The following UBE2J2 variants were observed in gnomAD, a reference collection of about 807,000 sequenced individuals.
UBE2J2 encodes ubiquitin conjugating enzyme E2 J2.
In UBE2J2, 5 loss-of-function variants were observed where a neutral mutation model predicts 28.6. The observed-to-expected ratio is 0.17, with a 90% confidence interval of 0.09 to 0.37. The LOEUF (loss-of-function observed/expected upper bound fraction) is 0.37. Ranked by LOEUF, UBE2J2 falls within the 10% of genes least tolerant of loss-of-function variation. The pLI is 1.00. For missense variants in UBE2J2, 226 were observed against 338.9 expected (o/e 0.67, Z 2.62); for synonymous variants, 138 against 139.7 (o/e 0.99, Z 0.09).
rs190927713 is a variant in UBE2J2, at chr1:1,258,599, C to T, written c.173-1289G>A. 1.2e-3 allele frequency among the ~76,000 whole-genome samples: 187 copies of T among 152,348 alleles called. 2 individuals carry two copies. The highest frequency in any genetic ancestry group is 4.1e-3 in the African/African-American group (170 of 41,590). ...AGCCACTTCCCCCACCCTGCACCCA[C>T]GGGCCCTGTGCACACTCCAGGCCAC... On this transcript the variant is annotated intron_variant, in intron 3 of 6. Transcript: ENST00000349431.
In UBE2J2 at chr1:1,268,380, C is replaced by T. The variant is rs930826953; in HGVS notation, c.1-388G>A. 3.3e-5 allele frequency among the ~76,000 whole-genome samples: 5 copies of T among 152,162 alleles called. No individual in the cohort carries two copies. Among genetic ancestry groups the T allele is most frequent in the Admixed American group, 1.3e-4 (2 of 15,276 alleles). ...GCACCTTCCAACTCAGCTCAAGGACCCCGCACTGATGGAGAATCCACACCA... is the reference window on the plus strand; with the variant it reads ...GCACCTTCCAACTCAGCTCAAGGACTCCGCACTGATGGAGAATCCACACCA... On this transcript the variant is annotated intron_variant, in intron 1 of 6. Transcript: ENST00000349431. The surrounding 1 kb of genome is among the most constrained non-coding windows in gnomAD (Gnocchi z 4.7).
intron 3 of UBE2J2, among the ~76,000 whole-genome samples, chr1:1,259,771 C>A (rs1639446346): frequency 6.6e-6 from 1 of 152,188 alleles, no homozygotes; most frequent in Non-Finnish European, 1.5e-5. Flanking sequence ...CCACGGAGTC[C>A]CCCACAGTCA....
chr1:1,256,495 G>A (rs899867053), intron 5 of UBE2J2, among the ~76,000 whole-genome samples: 2 of 152,206 alleles, frequency 1.3e-5, no homozygotes, highest in Admixed American at 1.3e-4. Flanking sequence ...AAGACCGAGA[G>A]GCAGCGGGGA....
chr1:1,272,798 C>T (rs897153413), intron 1 of UBE2J2: 2 of 159,108 alleles, frequency 1.3e-5, no homozygotes, highest in East Asian at 3.7e-4. Context: ...AAGTTCCGGG[C>T]ACCCAGACCC....
At chr1:1,265,685 T>C (rs1248907638) in intron 2 of UBE2J2, among the ~76,000 whole-genome samples, 2 of 148,032 alleles carry the variant, frequency 1.4e-5, no homozygotes, top group Non-Finnish European at 3.0e-5. Context: ...TGGAGTACAG[T>C]GGTGCGATCT....
chr1:1,267,985 C>G lies in UBE2J2; in HGVS notation c.8G>C (p.Ser3Thr). 1 of 1,613,942 alleles carries G rather than the reference C, an allele frequency of 6.2e-7. No individual in the cohort carries two copies. The highest frequency in any genetic ancestry group is 1.1e-5 in the South Asian group (1 of 91,086). Residue 3 changes from serine (S) to threonine (T), a missense_variant, in exon 2 of 7, where the codon AGC becomes ACC. Coordinates refer to ENST00000349431, the MANE Select transcript of UBE2J2 (RefSeq NM_058167.3). MS[S>T]TSSKRAPTTA... ...GGTCGGAGCCCTCTTACTGCTGGTG[C>G]TGCTCATCTGTTAAAAGCAACGTCT...
chr1:1,270,796 C>T (rs989475168), intron 1 of UBE2J2, among the ~76,000 whole-genome samples: 3 of 152,174 alleles, frequency 2.0e-5, no homozygotes, highest in Admixed American at 6.5e-5. Context: ...TGCCTGCCAG[C>T]CCCTTGACAG....
Position 1,263,379 on chromosome 1 carries a change from C to T in UBE2J2, c.139G>A (p.Val47Ile). 10 of 1,613,270 alleles carry T rather than the reference C, an allele frequency of 6.2e-6. No individual in the cohort carries two copies. Among genetic ancestry groups the T allele is most frequent in the Non-Finnish European group, 8.5e-6 (10 of 1,179,324 alleles). ...LPSNILEWHY[V>I]VRGPEMTPYE... is the part of the protein sequence containing the mutation. ...GGGGTCATCTCTGGGCCTCGGACGA[C>T]ATAGTGCCTAAGGGAGAGAAGAAAA... The change falls in exon 3 of 7, where the codon GTC (valine) becomes ATC (isoleucine). Residue 47 changes from valine (V) to isoleucine (I), a missense_variant. Physicochemically the swap from Val to Ile is conservative, Grantham distance 29 (BLOSUM62 3). This residue lies in a region of UBE2J2 where 80 missense variants were observed against 114.5 expected (regional missense o/e 0.70). Coordinates refer to ENST00000349431, the MANE Select transcript of UBE2J2 (RefSeq NM_058167.3).
chr1:1,262,592 C>T (rs1639627084), intron 3 of UBE2J2, among the ~76,000 whole-genome samples: 2 of 152,234 alleles, frequency 1.3e-5, no homozygotes, highest in Admixed American at 1.3e-4. Flanking sequence ...CCTGCTGCTC[C>T]AGCCACCTGA....
At chr1:1,255,923 G>A (rs1639149084) in intron 6 of UBE2J2, 122 bp downstream of exon 6, 2 of 763,154 alleles carry the variant, frequency 2.6e-6, no homozygotes, top group African/African-American at 1.7e-5. Flanking sequence ...GGCTCCTGGG[G>A]GAGAGGAGCC....
At position 1,256,057 on chromosome 1, in the gene UBE2J2, A is replaced by C. The variant is rs1450873385; in HGVS notation, c.483T>G (p.Pro161=). The change falls in exon 6 of 7, where the codon CCT becomes CCG. Residue 161 remains proline, a synonymous_variant. Transcript: ENST00000349431. ...LKDKVFCELF[P]EVVEEIKQKQ... ...CCGTCTTTCTTACCTCCACGACTTCAGGAAATAATTCACAAAAGACTTTAT... is the reference window on the plus strand; with the variant it reads ...CCGTCTTTCTTACCTCCACGACTTCCGGAAATAATTCACAAAAGACTTTAT... 2.5e-6 allele frequency: 4 copies of C among 1,612,284 alleles called. No homozygotes were observed. The highest frequency in any genetic ancestry group is 3.4e-6 in the Non-Finnish European group (4 of 1,178,374).
At chr1:1,269,527 C>G (rs553991827) in intron 1 of UBE2J2, among the ~76,000 whole-genome samples, 1 of 150,464 alleles carries the variant, frequency 6.6e-6, no homozygotes, top group African/African-American at 2.5e-5. Flanking sequence ...GTGGTGTGAT[C>G]TCCGCTCACT....
At chr1:1,270,534 T>A (rs1640095626) in intron 1 of UBE2J2, among the ~76,000 whole-genome samples, 1 of 152,132 alleles carries the variant, frequency 6.6e-6, no homozygotes. Context: ...TCCCTGACTC[T>A]TGCAATCCTT....
At chr1:1,265,793 C>G (rs185014502) in intron 2 of UBE2J2, among the ~76,000 whole-genome samples, 1 of 152,176 alleles carries the variant, frequency 6.6e-6, no homozygotes, top group East Asian at 1.9e-4. Flanking sequence ...CGCCACCATA[C>G]CGGGCTAATT....
chr1:1,256,608 C>T (rs1336629014), intron 5 of UBE2J2, among the ~76,000 whole-genome samples: 1 of 152,144 alleles, frequency 6.6e-6, no homozygotes, highest in African/African-American at 2.4e-5. Context: ...TGCGGCCGGG[C>T]GCGGTGGCTC....
intron 1 of UBE2J2, chr1:1,273,218 G>A (rs541528415): frequency 6.6e-6 from 1 of 152,162 alleles, no homozygotes; most frequent in Non-Finnish European, 1.5e-5. Context: ...GTCACCGCCC[G>A]GGTTTCCCAG....
At chr1:1,272,131 C>G (rs1250262148) in intron 1 of UBE2J2, among the ~76,000 whole-genome samples, 1 of 151,838 alleles carries the variant, frequency 6.6e-6, no homozygotes, top group East Asian at 1.9e-4. Context: ...TCTAGCTGGG[C>G]CAACAGAGAC....
rs1463965166 is a variant in UBE2J2 at position 1,268,834 on chromosome 1, C to G, written c.1-842G>C. On this transcript the variant is annotated intron_variant, in intron 1 of 6. Coordinates refer to ENST00000349431, the MANE Select transcript of UBE2J2 (RefSeq NM_058167.3). This position sits in a 1 kb window ranked among gnomAD's most constrained non-coding sequence, Gnocchi z 4.7. ...CTGAGACTACAGACGCATGCCACCA[C>G]GCCTAGCTAATTTTTTTTTTTTTGT... Among the ~76,000 whole-genome samples the G allele has an allele frequency of 6.6e-6, 1 of 151,820 alleles. No homozygotes were observed. Among genetic ancestry groups the G allele is most frequent in the African/African-American group, 2.4e-5 (1 of 41,144 alleles).
chr1:1,264,498 T>G (rs1445320063), intron 2 of UBE2J2, among the ~76,000 whole-genome samples: 2 of 152,106 alleles, frequency 1.3e-5, no homozygotes, highest in African/African-American at 2.4e-5. Flanking sequence ...GGGGCTGGGC[T>G]CGGTGGCTCA....
Sources: gnomAD v4.1 joint callset for allele counts (sites outside exome capture counted in the v4.1 genomes callset) on GRCh38, gnomAD v4.1.1 for gene constraint, gnomAD v4.1.1 regional missense constraint, Gnocchi (gnomAD v3.1) non-coding constraint, MANE v1.5 for transcripts, NCBI Gene and HGNC (gene_info 2026-07-23, HGNC 2026-07-21) for gene names.